Variants in CALCOCO2 observed in about 807,000 individuals in gnomAD.
The protein encoded by CALCOCO2 is calcium-binding and coiled-coil domain-containing protein 2.
In CALCOCO2, 42 loss-of-function variants were observed where a neutral mutation model predicts 62.5. The observed-to-expected ratio is 0.67, with a 90% CI of 0.53 to 0.87. The LOEUF (loss-of-function observed/expected upper bound fraction) is 0.87. Among genes scored for constraint, CALCOCO2 ranks in the 40% least tolerant of loss-of-function variants. The probability of loss-of-function intolerance (pLI) is 0.00; values close to 1 mark genes in which losing one functional copy is unlikely to be tolerated. For synonymous variants in CALCOCO2, 167 were observed against 173.0 expected, an observed-to-expected ratio of 0.97 and a Z score of 0.27; for missense variants, 456 against 515.0, an observed-to-expected ratio of 0.89 and a Z score of 1.11.
At chr17:48,856,256 T>A in intron 10 of CALCOCO2, 69 bp downstream of exon 10, 2 of 833,774 alleles carry the variant, frequency 2.4e-6, no homozygotes, top group Non-Finnish European at 3.9e-6. Flanking sequence ...CCCAGAGATG[T>A]AGTGAAAAAA....
intron 10 of CALCOCO2, among the ~76,000 whole-genome samples, chr17:48,858,135 A>G (rs1229404525): frequency 6.6e-6 from 1 of 151,620 alleles, no homozygotes; most frequent in Non-Finnish European, 1.5e-5. Flanking sequence ...TCACAGTGCT[A>G]TGCAACAGAT....
intron 1 of CALCOCO2, among the ~76,000 whole-genome samples, chr17:48,835,050 C>CA (rs576552986): frequency 3.2e-4 from 47 of 147,392 alleles, no homozygotes; most frequent in African/African-American, 9.9e-4. Context: ...TGCCCCCCCG[C>CA]AAAAAAAATA....
chr17:48,835,853 G>A (rs1288951262), intron 1 of CALCOCO2, among the ~76,000 whole-genome samples: 6 of 151,910 alleles, frequency 3.9e-5, no homozygotes, highest in Admixed American at 2.0e-4. Flanking sequence ...GGGTTCAAGC[G>A]ATTCTCTTGC....
rs2143695271 is a variant in CALCOCO2, at chr17:48,864,545, C to T, written c.*1540C>T. The T allele has an allele frequency of 6.5e-6, 1 of 152,694 alleles. No homozygotes were observed. Among genetic ancestry groups the T allele is most frequent in the East Asian group, 1.9e-4 (1 of 5,190 alleles). 9.5% of individuals were successfully genotyped at this position (152,694 alleles called of 1,614,324 possible). A position where few individuals can be genotyped will look rare whatever the true frequency, so the allele number is the denominator to read the frequency against. Reference sequence around the variant, plus strand: ...GGACTGAACAAATGGAAATAACTCCCAGGCAGTATCAGGTGGTCACTACAG... The same window carrying T: ...GGACTGAACAAATGGAAATAACTCCTAGGCAGTATCAGGTGGTCACTACAG... On this transcript the variant is annotated 3_prime_UTR_variant, in exon 13 of 13. Coordinates refer to ENST00000258947, the MANE Select transcript of CALCOCO2 (RefSeq NM_005831.5).
At chr17:48,831,842 T>C (rs2039818275) in intron 1 of CALCOCO2, 1 of 152,260 alleles carries the variant, frequency 6.6e-6, no homozygotes, top group Non-Finnish European at 1.5e-5. Context: ...TATTCTATTA[T>C]TGGAAACACC....
intron 7 of CALCOCO2, 98 bp downstream of exon 7, chr17:48,851,726 C>T (rs1005398734): frequency 9.3e-6 from 7 of 751,222 alleles, no homozygotes; most frequent in East Asian, 2.6e-5. Context: ...CAGTGAGTGC[C>T]TAATGGCATA....
intron 2 of CALCOCO2, among the ~76,000 whole-genome samples, chr17:48,843,000 C>T (rs2039996576): frequency 6.6e-6 from 1 of 152,120 alleles, no homozygotes; most frequent in African/African-American, 2.4e-5. Context: ...ACATTACTTC[C>T]TTACTTGGTA....
At chr17:48,857,394 T>A (rs1482790618) in intron 10 of CALCOCO2, among the ~76,000 whole-genome samples, 2 of 149,902 alleles carry the variant, frequency 1.3e-5, no homozygotes. Flanking sequence ...ACGGGGTTTC[T>A]CCATGTTGGT....
chr17:48,846,404 C>G, intron 2 of CALCOCO2: 2 of 853,830 alleles, frequency 2.3e-6, no homozygotes, highest in Admixed American at 2.3e-5. Flanking sequence ...TTCCTTCCCT[C>G]AGTGTATAAT....
chr17:48,852,832 C>T (rs2143638401), intron 8 of CALCOCO2, 94 bp from the exon 9 acceptor site: 1 of 1,052,664 alleles, frequency 9.5e-7, no homozygotes, highest in East Asian at 2.5e-5. Context: ...CCCTATGCAT[C>T]CTGCTTGCTC....
chr17:48,842,003 A>T, intron 2 of CALCOCO2, 116 bp downstream of exon 2: 1 of 683,190 alleles, frequency 1.5e-6, no homozygotes, highest in Non-Finnish European at 2.4e-6. Flanking sequence ...GGCAGTTTTT[A>T]AATTCTAGCC....
At chr17:48,857,497 C>CTTTTTTT (rs59318856) in intron 10 of CALCOCO2, among the ~76,000 whole-genome samples, 999 of 38,414 alleles carry the variant, frequency 0.026, 125 homozygotes, top group Non-Finnish European at 0.029. Context: ...GCACCCGGCC[C>CTTTTTTT]TTTTTTTTTT....
rs1420380174 is a variant in CALCOCO2 at position 48,864,212 on chromosome 17, T to C, written c.*1207T>C. On this transcript the variant is annotated 3_prime_UTR_variant, in exon 13 of 13. Coordinates refer to ENST00000258947, the MANE Select transcript of CALCOCO2 (RefSeq NM_005831.5). ...CCAAGTAGCTGGGATTACAGGTGTGTGCCGCAATGCCCAGCTAATTTTTGT... is the reference window on the plus strand; with the variant it reads ...CCAAGTAGCTGGGATTACAGGTGTGCGCCGCAATGCCCAGCTAATTTTTGT... 2 of 152,092 alleles carry C rather than the reference T, an allele frequency of 1.3e-5. No homozygotes were observed. Among genetic ancestry groups the C allele is most frequent in the African/African-American group, 4.8e-5 (2 of 41,380 alleles). The allele number at this position is 152,092 out of a possible 1,614,324, so 9.4% of individuals were successfully genotyped here. A position where few individuals can be genotyped will look rare whatever the true frequency, so the allele number is the denominator to read the frequency against.
intron 10 of CALCOCO2, among the ~76,000 whole-genome samples, chr17:48,857,508 T>TTTTTTTTTTTTTTTTC (rs2040236916): frequency 7.7e-6 from 1 of 129,844 alleles, no homozygotes; most frequent in Non-Finnish European, 1.7e-5. Context: ...TTTTTTTTTT[T>TTTTTTTTTTTTTTTTC]TTTTTTTTTT....
chr17:48,856,773 CTTTTCTTTTTTTTTT>C (rs1194045513), intron 10 of CALCOCO2, among the ~76,000 whole-genome samples: 2 of 149,120 alleles, frequency 1.3e-5, no homozygotes, highest in Non-Finnish European at 3.0e-5. Context: ...CATGTTCTTT[CTTTTCTTTTTTTTTT>C]TTTTCTTTTT....
Position 48,831,060 on chromosome 17 carries a change from C to CT in CALCOCO2, c.-28dup, listed in dbSNP as rs1169022350. 2 of 152,618 alleles carry CT rather than the reference C, an allele frequency of 1.3e-5. No homozygotes were observed. The highest frequency in any genetic ancestry group is 3.9e-4 in the East Asian group (2 of 5,150). 9.5% of individuals were successfully genotyped at this position (152,618 alleles called of 1,614,324 possible). A position where few individuals can be genotyped will look rare whatever the true frequency, so the allele number is the denominator to read the frequency against. Reference sequence around the variant, plus strand: ...ACTCTGCCCTGTTGCTGTCGCGCCGCTGCTGGTTGCTGTCCCTGGTGAGTG... The same window carrying CT: ...ACTCTGCCCTGTTGCTGTCGCGCCGCTTGCTGGTTGCTGTCCCTGGTGAGTG... On this transcript the variant is annotated 5_prime_UTR_variant, in exon 1 of 13. Transcript: ENST00000258947.
At chr17:48,851,425 G>A (rs1184735286) in intron 6 of CALCOCO2, 134 bp from the exon 7 acceptor site, 4 of 651,206 alleles carry the variant, frequency 6.1e-6, no homozygotes, top group Non-Finnish European at 1.1e-5. Flanking sequence ...GCCAAAACAG[G>A]ACTGCAATGG....
chr17:48,858,046 A>AATAGAATAGAATAGAATAGAATAG lies in CALCOCO2; in HGVS notation c.1008+1860_1008+1861insTAGAATAGAATAGAATAGAATAGA, dbSNP rs1555573800. Among the ~76,000 whole-genome samples, 399 of 40,050 alleles carry AATAGAATAGAATAGAATAGAATAG rather than the reference A, an allele frequency of 1.0e-2. 67 individuals carry two copies. The highest frequency in any genetic ancestry group is 0.024 in the Middle Eastern group (2 of 82). 26.3% of individuals were successfully genotyped at this position (40,050 alleles called of 152,430 possible). Reference sequence around the variant, plus strand: ...ATAGAATAGAATAGAATAGAATAGAAAATAGAATAGAATAGAATAGAATAG... The same window carrying AATAGAATAGAATAGAATAGAATAG: ...ATAGAATAGAATAGAATAGAATAGAAATAGAATAGAATAGAATAGAATAGAATAGAATAGAATAGAATAGAATAG... On this transcript the variant is annotated intron_variant, in intron 10 of 12. Transcript: ENST00000258947.
intron 5 of CALCOCO2, among the ~76,000 whole-genome samples, chr17:48,850,022 C>T (rs1032409709): frequency 6.6e-6 from 1 of 151,122 alleles, no homozygotes; most frequent in African/African-American, 2.4e-5. Flanking sequence ...GCCAGGAGAC[C>T]GGGCGTGGTG....
Sources: gnomAD v4.1 joint callset for allele counts (sites outside exome capture counted in the v4.1 genomes callset) on GRCh38, gnomAD v4.1.1 for gene constraint, MANE v1.5 for transcripts, NCBI Gene and HGNC (gene_info 2026-07-23, HGNC 2026-07-21) for gene names.